The following PDE4B variants were observed in gnomAD, a reference collection of about 807,000 sequenced individuals.
PDE4B encodes phosphodiesterase 4B.
A neutral mutation model predicts 82.2 loss-of-function variants in PDE4B; 20 were observed. The observed-to-expected ratio is 0.24, with a 90% CI of 0.17 to 0.35. The LOEUF is 0.35. Ranked by LOEUF, PDE4B falls within the 10% of genes least tolerant of loss-of-function variation. The pLI, the probability that PDE4B is intolerant of heterozygous loss-of-function variation, is 1.00. For synonymous variants in PDE4B, 320 were observed against 318.9 expected, an observed-to-expected ratio of 1.00 and a Z score of -0.04; for missense variants, 655 against 907.2, an observed-to-expected ratio of 0.72 and a Z score of 3.57.
intron 1 of PDE4B, among the ~76,000 whole-genome samples, chr1:65,818,481 T>C (rs777138905): frequency 9.9e-5 from 15 of 151,978 alleles, no homozygotes; most frequent in Non-Finnish European, 1.3e-4. Flanking sequence ...CCTGGCAGAG[T>C]AATCTATTCC....
intron 3 of PDE4B, among the ~76,000 whole-genome samples, chr1:66,177,962 G>T (rs1646969427): frequency 6.6e-6 from 1 of 151,266 alleles, no homozygotes; most frequent in African/African-American, 2.4e-5. Context: ...AGGACCAAGT[G>T]TTAGAATTGG....
intron 7 of PDE4B, among the ~76,000 whole-genome samples, chr1:66,280,825 G>T (rs1353714090): frequency 6.6e-6 from 1 of 152,078 alleles, no homozygotes; most frequent in Non-Finnish European, 1.5e-5. Flanking sequence ...CCTGCCTCTG[G>T]TCTTGAATAT....
chr1:66,022,044 A>G (rs139415614), intron 3 of PDE4B, among the ~76,000 whole-genome samples: 1 of 152,262 alleles, frequency 6.6e-6, no homozygotes, highest in East Asian at 1.9e-4. Flanking sequence ...TGTAAGTTGT[A>G]TTCCTAGATA....
chr1:65,964,619 TC>T (rs767547169), intron 3 of PDE4B, among the ~76,000 whole-genome samples: 4 of 152,224 alleles, frequency 2.6e-5, no homozygotes, highest in Admixed American at 6.5e-5. Context: ...TAGAGATGTT[TC>T]TAGAGCATTA....
chr1:65,845,064 C>T (rs546126804), intron 1 of PDE4B, among the ~76,000 whole-genome samples: 3 of 152,260 alleles, frequency 2.0e-5, no homozygotes, highest in Admixed American at 6.5e-5. Context: ...GGCATCTCCA[C>T]CTGTCATTTC....
chr1:66,292,550 A>G (rs1657163378), intron 7 of PDE4B, among the ~76,000 whole-genome samples: 1 of 152,224 alleles, frequency 6.6e-6, no homozygotes, highest in Non-Finnish European at 1.5e-5. Context: ...TGTAAAAATG[A>G]CAGAATAATG....
chr1:65,970,973 G>T (rs146594478), intron 3 of PDE4B, among the ~76,000 whole-genome samples: 53 of 151,236 alleles, frequency 3.5e-4, no homozygotes, highest in African/African-American at 1.2e-3. Context: ...ATAGGCTAAA[G>T]GATAAGAGAG....
At chr1:66,022,489 C>G (rs1234791377) in intron 3 of PDE4B, among the ~76,000 whole-genome samples, 1 of 152,102 alleles carries the variant, frequency 6.6e-6, no homozygotes, top group Non-Finnish European at 1.5e-5. Flanking sequence ...CCATCAGTAC[C>G]TAATTTATTT....
rs1646136001 is a variant in PDE4B, at chr1:66,139,793, A to G, written c.282-107667A>G. Among the ~76,000 whole-genome samples the G allele has an allele frequency of 2.0e-5, 3 of 151,680 alleles. No individual in the cohort carries two copies. In the South Asian group the frequency reaches 6.2e-4, roughly 32 times the overall value. ...AATGGGCCAAACATACAAAAACCAC[A>G]TCTGCACCAGAGCCAGGTATCTGCT... On this transcript the variant is annotated intron_variant, in intron 3 of 16. Coordinates refer to ENST00000341517, the MANE Select transcript of PDE4B (RefSeq NM_002600.4).
At chr1:66,213,511 T>A (rs1650224308) in intron 3 of PDE4B, among the ~76,000 whole-genome samples, 1 of 152,202 alleles carries the variant, frequency 6.6e-6, no homozygotes, top group South Asian at 2.1e-4. Context: ...ATAATCACTT[T>A]TACTGCAAAA....
chr1:65,946,333 G>A (rs1265198274), intron 3 of PDE4B, among the ~76,000 whole-genome samples: 2 of 151,946 alleles, frequency 1.3e-5, no homozygotes, highest in African/African-American at 4.8e-5. Flanking sequence ...GGTATCTGTG[G>A]TGTGCTAGTA....
At chr1:66,242,814 T>G (rs938030760) in intron 3 of PDE4B, among the ~76,000 whole-genome samples, 7 of 152,216 alleles carry the variant, frequency 4.6e-5, no homozygotes, top group African/African-American at 1.7e-4. Flanking sequence ...CAGCCCCACC[T>G]GCTGGGCTTG....
chr1:66,200,175 C>T (rs1178974717), intron 3 of PDE4B, among the ~76,000 whole-genome samples: 4 of 151,874 alleles, frequency 2.6e-5, no homozygotes, highest in East Asian at 1.9e-4. Context: ...GCATTATTTC[C>T]GAGGGTTCTG....
Position 66,041,847 on chromosome 1 carries a change from C to G in PDE4B, c.281+123012C>G, listed in dbSNP as rs192196678. ...ACACACATACACACACACACACACA[C>G]AGAATACCTAATGTATGATTCAACA... On this transcript the variant is annotated intron_variant, in intron 3 of 16. Transcript: ENST00000341517. Among the ~76,000 whole-genome samples, 914 of 150,658 alleles carry G rather than the reference C, an allele frequency of 6.1e-3. 3 individuals are homozygous for G. Among genetic ancestry groups the G allele is most frequent in the African/African-American group, 0.021 (853 of 41,134 alleles).
At chr1:66,181,555 T>C (rs1647063767) in intron 3 of PDE4B, among the ~76,000 whole-genome samples, 1 of 152,216 alleles carries the variant, frequency 6.6e-6, no homozygotes, top group South Asian at 2.1e-4. Flanking sequence ...GAATATTGTT[T>C]CTGTGTTTCT....
In PDE4B at chr1:65,826,816, G is replaced by T. The variant is rs117941530; in HGVS notation, c.-71+33568G>T. ...AATTACACCCCCTATTGTGACCCAG[G>T]TTCACAATGCCTGATTAAGAATGAA... On this transcript the variant is annotated intron_variant, in intron 1 of 16. Coordinates refer to ENST00000341517, the MANE Select transcript of PDE4B (RefSeq NM_002600.4). 7.9e-5 allele frequency among the ~76,000 whole-genome samples: 12 copies of T among 152,282 alleles called. No individual in the cohort carries two copies. The East Asian group carries it at 2.3e-3, about 29-fold the overall frequency.
intron 3 of PDE4B, among the ~76,000 whole-genome samples, chr1:65,924,362 C>A (rs1032659636): frequency 6.6e-6 from 1 of 151,858 alleles, no homozygotes; most frequent in East Asian, 1.9e-4. Flanking sequence ...GCGTGAGCCA[C>A]CGCGCCCGGC....
intron 3 of PDE4B, among the ~76,000 whole-genome samples, chr1:66,052,287 T>TA (rs1655070942): frequency 6.6e-6 from 1 of 152,216 alleles, no homozygotes; most frequent in Non-Finnish European, 1.5e-5. Flanking sequence ...TTACCTGTAC[T>TA]ATCCTTTAAA....
intron 5 of PDE4B, 38 bp downstream of exon 5, chr1:66,257,721 G>T (rs1051150789): frequency 2.5e-6 from 4 of 1,610,402 alleles, no homozygotes; most frequent in East Asian, 2.2e-5. Flanking sequence ...TTTCACTGTC[G>T]CTGGTTTCTA....
Sources: gnomAD v4.1 joint callset for allele counts (sites outside exome capture counted in the v4.1 genomes callset) on GRCh38, gnomAD v4.1.1 for gene constraint, MANE v1.5 for transcripts, NCBI Gene and HGNC (gene_info 2026-07-23, HGNC 2026-07-21) for gene names.